The following SPPL2A variants were observed in gnomAD, a reference collection of about 807,000 sequenced individuals.
SPPL2A encodes the protein signal peptide peptidase like 2A.
SPPL2A carries 51 observed loss-of-function variants against 63.8 expected under a neutral mutation model. The observed-to-expected ratio is 0.80, with a 90% CI of 0.64 to 1.01. The LOEUF (loss-of-function observed/expected upper bound fraction) is 1.01. SPPL2A is among the 50% of genes least tolerant of loss of function. The probability of loss-of-function intolerance (pLI) is 0.00; values close to 1 mark genes in which losing one functional copy is unlikely to be tolerated. For missense variants in SPPL2A, 553 were observed against 622.7 expected (o/e 0.89, Z 1.19); for synonymous variants, 188 against 205.8 (o/e 0.91, Z 0.74).
intron 10 of SPPL2A, among the ~76,000 whole-genome samples, chr15:50,728,911 T>G (rs2062709387): frequency 6.6e-6 from 1 of 151,882 alleles, no homozygotes; most frequent in Admixed American, 6.6e-5. Flanking sequence ...CCTTGTGGGT[T>G]CAAGCGATTC....
At chr15:50,722,351 T>C in intron 12 of SPPL2A, 150 bp from the exon 13 acceptor site, 1 of 549,362 alleles carries the variant, frequency 1.8e-6, no homozygotes, top group Non-Finnish European at 3.2e-6. Context: ...AAATTTTATA[T>C]GCTGATTTTA....
chr15:50,756,923 A>C (rs767557195), intron 1 of SPPL2A, among the ~76,000 whole-genome samples: 1 of 151,934 alleles, frequency 6.6e-6, no homozygotes, highest in Non-Finnish European at 1.5e-5. Context: ...ATCCCCAAGC[A>C]CCTCATTCTC....
rs575721916 is a variant in SPPL2A at position 50,748,693 on chromosome 15, C to A, written c.355G>T (p.Val119Phe). Residue 119 changes from valine (V) to phenylalanine (F), a missense_variant, in exon 3 of 15, where the codon GTC becomes TTC. Val to Phe is a conservative substitution (Grantham distance 50). Transcript: ENST00000261854. ...AEAMLVVNNS[V>F]LFPPSGNRSE... ...TGATTGTTTTTATAACTTACTAGGA[C>A]ACTGTTATTGACAACTAACATTGCT... 1.9e-6 allele frequency: 3 copies of A among 1,580,036 alleles called. No individual in the cohort carries two copies. The highest frequency in any genetic ancestry group is 2.6e-6 in the Non-Finnish European group (3 of 1,165,748).
intron 14 of SPPL2A, among the ~76,000 whole-genome samples, chr15:50,712,679 C>CCCCCCCT (rs35199045): frequency 8.7e-5 from 9 of 102,934 alleles, no homozygotes; most frequent in Non-Finnish European, 1.5e-4. Flanking sequence ...CTCCCCCCCC[C>CCCCCCCT]TTTTTTTTTT....
chr15:50,745,603 A>G (rs1395113542), intron 5 of SPPL2A, among the ~76,000 whole-genome samples: 1 of 143,502 alleles, frequency 7.0e-6, no homozygotes, highest in Non-Finnish European at 1.5e-5. Context: ...GTTGGAGTGC[A>G]GTGGCACAAT....
intron 11 of SPPL2A, chr15:50,725,949 C>T: frequency 2.4e-6 from 1 of 420,442 alleles, no homozygotes; most frequent in Non-Finnish European, 4.1e-6. Context: ...GGCCTTGAAA[C>T]ATAGAAAACA....
At chr15:50,742,066 T>C (rs573309333) in intron 5 of SPPL2A, among the ~76,000 whole-genome samples, 3 of 152,226 alleles carry the variant, frequency 2.0e-5, no homozygotes, top group African/African-American at 4.8e-5. Flanking sequence ...CTAAGCTTTA[T>C]TGCATGCCAT....
intron 1 of SPPL2A, among the ~76,000 whole-genome samples, chr15:50,762,512 C>T (rs1403402154): frequency 1.3e-5 from 2 of 152,128 alleles, no homozygotes; most frequent in Non-Finnish European, 2.9e-5. Context: ...GCTGTAGCTT[C>T]AGTTCAAAAT....
chr15:50,757,402 C>G, intron 1 of SPPL2A, among the ~76,000 whole-genome samples: 1 of 152,052 alleles, frequency 6.6e-6, no homozygotes, highest in Admixed American at 6.6e-5. Flanking sequence ...TCCTTATACT[C>G]TTCTAAATAC....
rs975633695 is a variant in SPPL2A at position 50,734,139 on chromosome 15, T to C, written c.933-1455A>G. Among the ~76,000 whole-genome samples the C allele has an allele frequency of 3.9e-5, 6 of 152,228 alleles. No individual in the cohort carries two copies. The South Asian group carries it at 6.2e-4, about 16-fold the overall frequency. On this transcript the variant is annotated intron_variant, in intron 8 of 14. Transcript: ENST00000261854. ...ACCATATGATCCAGCAATCCCGCCA[T>C]TGGATATACATGCAAAAGAAAGGAA...
Position 50,720,039 on chromosome 15 carries a change from A to C in SPPL2A, c.1389T>G (p.Pro463=). Residue 463 remains proline, a synonymous_variant, in exon 14 of 15, where the codon CCT becomes CCG. Transcript: ENST00000261854. ...VVLVLMKKGQ[P]ALLYLVPCTL... ...TGCAAGGTACTAAATAGAGGAGAGC[A>C]GGTTGCCCCTTTTTCATCAGCACCA... 1.2e-6 allele frequency: 2 copies of C among 1,613,662 alleles called. No homozygotes were observed. The highest frequency in any genetic ancestry group is 1.7e-6 in the Non-Finnish European group (2 of 1,179,666).
chr15:50,740,359 G>A (rs1346424655), intron 5 of SPPL2A, among the ~76,000 whole-genome samples: 2 of 149,556 alleles, frequency 1.3e-5, no homozygotes, highest in African/African-American at 4.9e-5. Flanking sequence ...CCCGGGAGGC[G>A]GAGGTTGTGG....
At chr15:50,749,328 C>T in intron 2 of SPPL2A, among the ~76,000 whole-genome samples, 1 of 152,030 alleles carries the variant, frequency 6.6e-6, no homozygotes. Context: ...CACCCTGTTG[C>T]CCAGGCTGGA....
At chr15:50,746,436 C>CAAAAAAAA (rs71127139) in intron 5 of SPPL2A, among the ~76,000 whole-genome samples, 3 of 87,050 alleles carry the variant, frequency 3.4e-5, no homozygotes, top group Non-Finnish European at 2.3e-5. Context: ...GACTCTGTAT[C>CAAAAAAAA]AAAAAAAAAA....
At chr15:50,756,614 G>C (rs2062959615) in intron 1 of SPPL2A, among the ~76,000 whole-genome samples, 1 of 152,018 alleles carries the variant, frequency 6.6e-6, no homozygotes, top group Admixed American at 6.6e-5. Context: ...GGGTGGGCAT[G>C]GTGGCTCATA....
At chr15:50,743,835 C>T (rs953930908) in intron 5 of SPPL2A, among the ~76,000 whole-genome samples, 29 of 152,000 alleles carry the variant, frequency 1.9e-4, no homozygotes, top group African/African-American at 6.8e-4. Flanking sequence ...AAGTAATATA[C>T]AAAATGATTT....
At chr15:50,742,597 A>G (rs994599550) in intron 5 of SPPL2A, 4 of 152,004 alleles carry the variant, frequency 2.6e-5, no homozygotes, top group African/African-American at 9.7e-5. Context: ...TATGTTTTTA[A>G]TAATTATTTT....
At position 50,758,886 on chromosome 15, in the gene SPPL2A, A is replaced by ATATCTATCTATC. The variant is rs79216272; in HGVS notation, c.66+6570_66+6581dup. ...ACAACTGATCAAATATATAATAAGC[A>ATATCTATCTATC]TATCTATCTATCTATCTATCTATCT... On this transcript the variant is annotated intron_variant, in intron 1 of 14. Coordinates refer to ENST00000261854, the MANE Select transcript of SPPL2A (RefSeq NM_032802.4). Among the ~76,000 whole-genome samples the ATATCTATCTATC allele has an allele frequency of 1.8e-4, 27 of 149,702 alleles. No individual in the cohort carries two copies. In the East Asian group the frequency reaches 2.8e-3, roughly 15 times the overall value.
At chr15:50,749,858 G>A (rs2062893075) in intron 1 of SPPL2A, 112 bp from the exon 2 acceptor site, 1 of 683,028 alleles carries the variant, frequency 1.5e-6, no homozygotes. Context: ...TGAGAGGGAT[G>A]GTCTTCCATG....
Sources: gnomAD v4.1 joint callset for allele counts (sites outside exome capture counted in the v4.1 genomes callset) on GRCh38, gnomAD v4.1.1 for gene constraint, MANE v1.5 for transcripts, NCBI Gene and HGNC (gene_info 2026-07-23, HGNC 2026-07-21) for gene names.